The following CSMD1 variants were observed in gnomAD, a reference collection of about 807,000 sequenced individuals.
CSMD1 encodes the protein CUB and sushi domain-containing protein 1.
Under a neutral mutation model 417.5 loss-of-function variants are expected in CSMD1, and 213 were observed. That is an observed-to-expected ratio of 0.51 (90% CI 0.46 to 0.57). The LOEUF (loss-of-function observed/expected upper bound fraction) is 0.57. CSMD1 is among the 20% of genes least tolerant of loss of function. The pLI, the probability that CSMD1 is intolerant of heterozygous loss-of-function variation, is 0.00. For missense variants in CSMD1, 6,923 were observed against 4,529.7 expected (o/e 1.53, Z -15.17); for synonymous variants, 2,862 against 1,736.8 (o/e 1.65, Z -16.11).
intron 2 of CSMD1, among the ~76,000 whole-genome samples, chr8:4,426,225 G>A (rs1154050): frequency 9.2e-5 from 14 of 151,808 alleles, no homozygotes; most frequent in Non-Finnish European, 1.3e-4. Flanking sequence ...TATAGTTACC[G>A]GACAAGTTTT....
intron 7 of CSMD1, among the ~76,000 whole-genome samples, chr8:3,617,203 C>G (rs926783156): frequency 6.6e-6 from 1 of 152,152 alleles, no homozygotes; most frequent in Non-Finnish European, 1.5e-5. Flanking sequence ...ATGATATTTA[C>G]TAACTTCTAT....
intron 1 of CSMD1, among the ~76,000 whole-genome samples, chr8:4,883,986 A>G (rs1444339916): frequency 1.3e-5 from 2 of 151,934 alleles, no homozygotes; most frequent in Non-Finnish European, 2.9e-5. Context: ...CCAATCCTCT[A>G]CAATACTTGC....
chr8:4,445,694 A>G (rs17414883), intron 2 of CSMD1, among the ~76,000 whole-genome samples: 4 of 152,158 alleles, frequency 2.6e-5, no homozygotes, highest in African/African-American at 7.2e-5. Flanking sequence ...CTTTCCCACA[A>G]CTTGGAAGGA....
chr8:4,316,315 T>A (rs2128881503), intron 3 of CSMD1, among the ~76,000 whole-genome samples: 1 of 152,240 alleles, frequency 6.6e-6, no homozygotes, highest in African/African-American at 2.4e-5. Context: ...GCAGAGAAAA[T>A]AATCTGCATA....
intron 1 of CSMD1, among the ~76,000 whole-genome samples, chr8:4,863,453 C>A (rs929518037): frequency 2.0e-5 from 3 of 152,078 alleles, no homozygotes; most frequent in African/African-American, 7.3e-5. Context: ...GATTCTAGAA[C>A]ATTCATTTTT....
chr8:3,375,181 T>C (rs576506805), intron 18 of CSMD1: 3 of 152,258 alleles, frequency 2.0e-5, no homozygotes, highest in African/African-American at 2.4e-5. Context: ...GCTTGCCAGG[T>C]TTCTCGGGAT....
chr8:4,421,891 A>ATAT (rs61519488), intron 2 of CSMD1, among the ~76,000 whole-genome samples: 2,943 of 152,192 alleles, frequency 0.019, 85 homozygotes, highest in African/African-American at 0.066. Context: ...CTTTGGGAAA[A>ATAT]TAAAATTGAA....
At chr8:4,115,972 ATTTATTTATTT>A (rs1563143188) in intron 3 of CSMD1, among the ~76,000 whole-genome samples, 1 of 10,314 alleles carries the variant, frequency 9.7e-5, no homozygotes, top group Non-Finnish European at 1.8e-4. Flanking sequence ...TATTTTATTT[ATTTATTTATTT>A]ATTTATTTAT....
rs1796707307 is a variant in CSMD1, at chr8:4,529,902, T to G, written c.302+107440A>C. 2.0e-5 allele frequency among the ~76,000 whole-genome samples: 3 copies of G among 151,604 alleles called. No homozygotes were observed. In the South Asian group the frequency reaches 6.2e-4, roughly 31 times the overall value. On this transcript the variant is annotated intron_variant, in intron 2 of 69. Transcript: ENST00000635120. Reference sequence around the variant, plus strand: ...TTTTTTTTTAAATTTATTTAATTTTTTTATTTTTATTTATTTTTGTTTGTC... The same window carrying G: ...TTTTTTTTTAAATTTATTTAATTTTGTTATTTTTATTTATTTTTGTTTGTC...
At chr8:4,325,078 G>A (rs530581658) in intron 3 of CSMD1, among the ~76,000 whole-genome samples, 1 of 152,230 alleles carries the variant, frequency 6.6e-6, no homozygotes, top group East Asian at 1.9e-4. Context: ...GGAGCCAGGA[G>A]GGAAAAATCA....
chr8:4,078,037 C>A (rs972667200), intron 3 of CSMD1, among the ~76,000 whole-genome samples: 1 of 152,072 alleles, frequency 6.6e-6, no homozygotes, highest in Non-Finnish European at 1.5e-5. Flanking sequence ...AAATGCAATC[C>A]ACCAGTAGGG....
intron 20 of CSMD1, among the ~76,000 whole-genome samples, chr8:3,365,575 C>A (rs1212366789): frequency 6.6e-6 from 1 of 152,204 alleles, no homozygotes; most frequent in African/African-American, 2.4e-5. Context: ...CTTAAAAACA[C>A]ATGCAGACGA....
chr8:3,872,941 C>T (rs1805576795), intron 5 of CSMD1, among the ~76,000 whole-genome samples: 1 of 151,584 alleles, frequency 6.6e-6, no homozygotes, highest in African/African-American at 2.4e-5. Context: ...GGCCAACAAT[C>T]ATATGAAAAA....
At chr8:4,008,832 G>T (rs191211251) in intron 4 of CSMD1, among the ~76,000 whole-genome samples, 3 of 151,668 alleles carry the variant, frequency 2.0e-5, no homozygotes, top group Non-Finnish European at 2.9e-5. Flanking sequence ...GGATGGTCTC[G>T]ATCTCCTGAC....
chr8:4,609,531 T>A lies in CSMD1; in HGVS notation c.302+27811A>T, dbSNP rs558812873. Among the ~76,000 whole-genome samples the A allele has an allele frequency of 2.0e-5, 3 of 152,338 alleles. No individual in the cohort carries two copies. The South Asian group carries it at 6.2e-4, about 32-fold the overall frequency. On this transcript the variant is annotated intron_variant, in intron 2 of 69. Transcript: ENST00000635120. ...ATTAGCTATTAAACAACACTATGCT[T>A]TCTTTATTGTACTAAACACTTTATG...
At chr8:3,880,118 A>G (rs1806113080) in intron 5 of CSMD1, among the ~76,000 whole-genome samples, 1 of 152,056 alleles carries the variant, frequency 6.6e-6, no homozygotes, top group African/African-American at 2.4e-5. Context: ...ATTTACTGTC[A>G]CAAGTTTCTA....
chr8:4,402,106 A>G (rs907541745), intron 3 of CSMD1, among the ~76,000 whole-genome samples: 11 of 152,016 alleles, frequency 7.2e-5, no homozygotes, highest in Non-Finnish European at 1.5e-4. Flanking sequence ...CCTTCCGATG[A>G]ACTTGTCTTC....
intron 12 of CSMD1, among the ~76,000 whole-genome samples, chr8:3,446,201 G>A (rs577093388): frequency 3.3e-5 from 5 of 152,168 alleles, no homozygotes; most frequent in South Asian, 2.1e-4. Flanking sequence ...GAAAAAAATC[G>A]TGAATGCACT....
chr8:3,457,998 C>A (rs1816264823), intron 12 of CSMD1, among the ~76,000 whole-genome samples: 1 of 152,180 alleles, frequency 6.6e-6, no homozygotes, highest in African/African-American at 2.4e-5. Context: ...TTCACAAGCT[C>A]TTTCATAATT....
Sources: allele counts gnomAD v4.1 joint callset (sites outside exome capture counted in the v4.1 genomes callset), GRCh38; gene constraint gnomAD v4.1.1; transcripts MANE v1.5; gene names NCBI Gene and HGNC (gene_info 2026-07-23, HGNC 2026-07-21).